Variants in MSANTD5 observed in about 807,000 individuals in gnomAD.
The protein encoded by MSANTD5 is Myb/SANT DNA binding domain containing 5, also known as uncharacterized protein MSANTD5.
At chr5:178,706,717 G>A in the MSANTD5 span, among the ~76,000 whole-genome samples, 2 of 151,912 alleles carry the variant, frequency 1.3e-5, no homozygotes, top group Non-Finnish European at 2.9e-5. Flanking sequence ...TCCCTAGAGT[G>A]TCGGCTTTTA....
chr5:178,700,081 C>T (rs376497705), upstream of MSANTD5, among the ~76,000 whole-genome samples: 2 of 152,102 alleles, frequency 1.3e-5, no homozygotes, highest in Non-Finnish European at 2.9e-5. Context: ...TGCTTCTGCT[C>T]GTTGCTCTGC....
upstream of MSANTD5, among the ~76,000 whole-genome samples, chr5:178,698,339 G>A (rs1166944125): frequency 6.6e-6 from 1 of 152,288 alleles, no homozygotes; most frequent in Non-Finnish European, 1.5e-5. Context: ...AGTAAGTGAC[G>A]GTGGGGACGG....
At chr5:178,704,066 T>A in the MSANTD5 span, among the ~76,000 whole-genome samples, 3 of 151,942 alleles carry the variant, frequency 2.0e-5, no homozygotes, top group African/African-American at 7.2e-5. Context: ...AATATATGAA[T>A]GTAGTAAATT....
At chr5:178,694,598 T>G (rs6866344), downstream of MSANTD5, 35,448 of 152,046 alleles carry the variant, frequency 0.23, 4,801 homozygotes, top group East Asian at 0.36. Context: ...TTATTCTCAT[T>G]GCACCAGGTG....
At chr5:178,702,498 A>G (rs1765499827), upstream of MSANTD5, among the ~76,000 whole-genome samples, 2 of 151,196 alleles carry the variant, frequency 1.3e-5, no homozygotes, top group Admixed American at 1.3e-4. Context: ...ACGGGCTTTC[A>G]CCATATTGGC....
chr5:178,699,827 A>C (rs572012319), upstream of MSANTD5, among the ~76,000 whole-genome samples: 116 of 151,988 alleles, frequency 7.6e-4, no homozygotes, highest in African/African-American at 2.7e-3. Context: ...TCTAATGGGG[A>C]CCCTGCTTAT....
At chr5:178,697,406 A>G (rs1384292920) in intron 1 of MSANTD5, among the ~76,000 whole-genome samples, 180 bp downstream of exon 1, 5 of 152,190 alleles carry the variant, frequency 3.3e-5, no homozygotes, top group South Asian at 4.1e-4. Context: ...GTGAGCCGGG[A>G]TCGCGCCCCT....
downstream of MSANTD5, among the ~76,000 whole-genome samples, chr5:178,692,357 A>G (rs1765366248): frequency 6.8e-6 from 1 of 147,988 alleles, no homozygotes; most frequent in African/African-American, 2.5e-5. Flanking sequence ...TCTAGCCTGG[A>G]TGACAGAGCA....
chr5:178,702,188 G>T (rs1194531771), upstream of MSANTD5, among the ~76,000 whole-genome samples: 5 of 151,842 alleles, frequency 3.3e-5, no homozygotes, highest in East Asian at 7.7e-4. Context: ...GTCTTTTCAG[G>T]TTCCCTAGTG....
downstream of MSANTD5, among the ~76,000 whole-genome samples, chr5:178,693,072 G>A (rs1392911480): frequency 6.6e-6 from 1 of 151,968 alleles, no homozygotes; most frequent in Non-Finnish European, 1.5e-5. Flanking sequence ...CACTTTGGGA[G>A]GCTGAGGCGG....
In MSANTD5 at chr5:178,697,343, A is replaced by C. The variant is rs960172720; in HGVS notation, c.6+243T>G. Among the ~76,000 whole-genome samples, 5 of 151,668 alleles carry C rather than the reference A, an allele frequency of 3.3e-5. No individual in the cohort carries two copies. In the South Asian group the frequency reaches 6.2e-4, roughly 19 times the overall value. On this transcript the variant is annotated intron_variant, in intron 1 of 3. Transcript: ENST00000648368. ...GTGGCGGGCGCCTGTAGTCCCAGCT[A>C]CTCGGGAGGCTGAGGCAGGAGAATG... is the stretch of plus-strand genomic sequence containing the variant.
downstream of MSANTD5, among the ~76,000 whole-genome samples, chr5:178,692,256 T>C (rs1484520569): frequency 3.3e-5 from 5 of 149,728 alleles, 2 homozygotes; most frequent in African/African-American, 7.4e-5. Flanking sequence ...GGCAGGCGCC[T>C]GTAATCCCAG....
the MSANTD5 span, among the ~76,000 whole-genome samples, chr5:178,705,015 G>A: frequency 1.2e-4 from 18 of 152,126 alleles, 1 homozygote; most frequent in African/African-American, 3.9e-4. Flanking sequence ...ATGACTTGCA[G>A]TGGGTGCTGG....
downstream of MSANTD5, among the ~76,000 whole-genome samples, chr5:178,693,624 C>A (rs903912594): frequency 6.6e-6 from 1 of 151,998 alleles, no homozygotes; most frequent in South Asian, 2.1e-4. Context: ...TCCCACAGCA[C>A]GAAAGAGGAC....
downstream of MSANTD5, among the ~76,000 whole-genome samples, chr5:178,693,461 A>C (rs534946628): frequency 1.4e-3 from 210 of 152,148 alleles, 2 homozygotes; most frequent in African/African-American, 4.7e-3. Context: ...ATATGTCCGG[A>C]GTTTCTGCCT....
At chr5:178,705,490 G>T in the MSANTD5 span, among the ~76,000 whole-genome samples, 1 of 152,090 alleles carries the variant, frequency 6.6e-6, no homozygotes, top group Non-Finnish European at 1.5e-5. Context: ...CCTCCAAGAT[G>T]TACTCCCTGA....
chr5:178,701,167 C>T (rs1454969680), upstream of MSANTD5, among the ~76,000 whole-genome samples: 1 of 151,918 alleles, frequency 6.6e-6, no homozygotes, highest in Non-Finnish European at 1.5e-5. Context: ...TTAGTAGAGA[C>T]GGGGTTTCAC....
At chr5:178,701,978 C>G (rs1765489289), upstream of MSANTD5, among the ~76,000 whole-genome samples, 1 of 150,866 alleles carries the variant, frequency 6.6e-6, no homozygotes, top group African/African-American at 2.4e-5. Context: ...GGTGATCCAC[C>G]CGCCTCGGCC....
At chr5:178,693,051 G>A (rs369289687), downstream of MSANTD5, among the ~76,000 whole-genome samples, 20 of 151,902 alleles carry the variant, frequency 1.3e-4, 1 homozygote, top group South Asian at 1.5e-3. Flanking sequence ...AGCTCACGTC[G>A]GTAATCCCAG....
Sources: gnomAD v4.1 joint callset for allele counts (sites outside exome capture counted in the v4.1 genomes callset) on GRCh38, gnomAD v4.1.1 for gene constraint, MANE v1.5 for transcripts, NCBI Gene and HGNC (gene_info 2026-07-23, HGNC 2026-07-21) for gene names.